The following SFRP1 variants were observed in gnomAD, a reference collection of about 807,000 sequenced individuals.
The protein encoded by SFRP1 is secreted frizzled-related protein 1.
In SFRP1, 9 loss-of-function variants were observed where a neutral mutation model predicts 25.9. The observed-to-expected ratio is 0.35, with a 90% CI of 0.21 to 0.61. The LOEUF (loss-of-function observed/expected upper bound fraction) is 0.61, where lower values mean the gene tolerates loss of function less well. SFRP1 is among the 20% of genes least tolerant of loss of function. The pLI, the probability that SFRP1 is intolerant of heterozygous loss-of-function variation, is 0.78. For synonymous variants in SFRP1, 178 were observed against 174.0 expected (o/e 1.02, Z -0.18); for missense variants, 346 against 418.2 (o/e 0.83, Z 1.51).
At chr8:41,297,655 G>A in intron 2 of SFRP1, among the ~76,000 whole-genome samples, 1 of 152,084 alleles carries the variant, frequency 6.6e-6, no homozygotes. Context: ...ATAGTTTGCT[G>A]ATGAGGAGCC....
chr8:41,270,112 G>C (rs1803485789), intron 2 of SFRP1, among the ~76,000 whole-genome samples: 1 of 152,160 alleles, frequency 6.6e-6, no homozygotes, highest in Non-Finnish European at 1.5e-5. Context: ...GCCAGGATCT[G>C]GAGTGGTGAG....
chr8:41,276,291 C>T (rs529086875), intron 2 of SFRP1, among the ~76,000 whole-genome samples: 2 of 152,200 alleles, frequency 1.3e-5, no homozygotes, highest in Non-Finnish European at 2.9e-5. Flanking sequence ...AAGCACCCTC[C>T]CCAAGTCCAA....
chr8:41,299,116 T>C (rs1461948613), intron 2 of SFRP1, among the ~76,000 whole-genome samples: 1 of 141,042 alleles, frequency 7.1e-6, no homozygotes, highest in Non-Finnish European at 1.5e-5. Context: ...CCACCTCCCA[T>C]GCACAAGAAG....
In SFRP1 at chr8:41,264,494, T is replaced by C. The variant is rs1803410483; in HGVS notation, c.*673A>G. The C allele has an allele frequency of 6.6e-6, 1 of 152,178 alleles. No homozygotes were observed. The highest frequency in any genetic ancestry group is 6.5e-5 in the Admixed American group (1 of 15,274). The allele number at this position is 152,178 out of a possible 1,614,324, so 9.4% of individuals were successfully genotyped here. A position where few individuals can be genotyped will look rare whatever the true frequency, so the allele number is the denominator to read the frequency against. ...CCCGGGCTCATAGGAACCGAAACTT[T>C]GGGGCATCTGAGACTGGCTGATTCA... On this transcript the variant is annotated 3_prime_UTR_variant, in exon 3 of 3. Transcript: ENST00000220772.
At chr8:41,290,025 T>C (rs1194646505) in intron 2 of SFRP1, among the ~76,000 whole-genome samples, 1 of 152,166 alleles carries the variant, frequency 6.6e-6, no homozygotes, top group Non-Finnish European at 1.5e-5. Context: ...GCAGATGTGC[T>C]ATGCACACAC....
At chr8:41,265,790 G>A (rs1000672119) in intron 2 of SFRP1, among the ~76,000 whole-genome samples, 4 of 152,034 alleles carry the variant, frequency 2.6e-5, no homozygotes, top group Non-Finnish European at 5.9e-5. Flanking sequence ...TGTTTACTGT[G>A]GAACAAAGCT....
intron 2 of SFRP1, among the ~76,000 whole-genome samples, chr8:41,302,826 C>A (rs1803941650): frequency 6.6e-6 from 1 of 151,886 alleles, no homozygotes; most frequent in South Asian, 2.1e-4. Context: ...TCTCCTGGAG[C>A]TGCGAGTGCT....
At chr8:41,270,617 T>A (rs774675583) in intron 2 of SFRP1, among the ~76,000 whole-genome samples, 2 of 151,914 alleles carry the variant, frequency 1.3e-5, no homozygotes, top group Admixed American at 6.6e-5. Context: ...CACTCAAACC[T>A]ACTCCCCTGG....
intron 1 of SFRP1, among the ~76,000 whole-genome samples, chr8:41,304,673 C>A (rs1051638081): frequency 6.6e-6 from 1 of 152,088 alleles, no homozygotes; most frequent in African/African-American, 2.4e-5. Context: ...CATCAGCCCC[C>A]CTTATGGCTC....
At chr8:41,270,671 C>T (rs1392912266) in intron 2 of SFRP1, among the ~76,000 whole-genome samples, 2 of 152,000 alleles carry the variant, frequency 1.3e-5, no homozygotes, top group Non-Finnish European at 2.9e-5. Context: ...CAGCAGTAGC[C>T]ATGGGCTTCA....
chr8:41,278,972 T>C (rs748941640), intron 2 of SFRP1, among the ~76,000 whole-genome samples: 1 of 152,044 alleles, frequency 6.6e-6, no homozygotes, highest in Non-Finnish European at 1.5e-5. Flanking sequence ...CAGGCCGAGC[T>C]ACAGACCATC....
Position 41,265,121 on chromosome 8 carries a change from CTCCCACCCCACCCGAGG to C in SFRP1, c.*29_*45del. 7 of 424,494 alleles carry C rather than the reference CTCCCACCCCACCCGAGG, an allele frequency of 1.6e-5. No individual in the cohort carries two copies. Among genetic ancestry groups the C allele is most frequent in the Admixed American group, 3.3e-5 (1 of 29,972 alleles). 26.3% of individuals were successfully genotyped at this position (424,494 alleles called of 1,614,324 possible). A position where few individuals can be genotyped will look rare whatever the true frequency, so the allele number is the denominator to read the frequency against. ...GGTTCCCGGGGCACTGTCCCCCCCG[CTCCCACCCCACCCGAGG>C]CTCCCTCCCCACCCTGCCCCCGGGA... is the stretch of plus-strand genomic sequence containing the variant. On this transcript the variant is annotated 3_prime_UTR_variant, in exon 3 of 3. Transcript: ENST00000220772.
chr8:41,303,966 G>A (rs151333542), intron 1 of SFRP1, among the ~76,000 whole-genome samples: 1 of 152,110 alleles, frequency 6.6e-6, no homozygotes, highest in East Asian at 1.9e-4. Context: ...CACACTCCCA[G>A]CTAGCCTGCT....
intron 2 of SFRP1, among the ~76,000 whole-genome samples, chr8:41,291,129 C>T (rs986539563): frequency 7.3e-5 from 11 of 151,636 alleles, no homozygotes; most frequent in South Asian, 2.1e-4. Flanking sequence ...AGGACGGTCT[C>T]GATCTCCGGA....
In SFRP1 at chr8:41,290,886, C is replaced by CTTTTTTTT. The variant is rs561965318; in HGVS notation, c.622+12567_622+12574dup. Among the ~76,000 whole-genome samples, 407 of 53,858 alleles carry CTTTTTTTT rather than the reference C, an allele frequency of 7.6e-3. 138 individuals are homozygous for CTTTTTTTT. The highest frequency in any genetic ancestry group is 0.012 in the Non-Finnish European group (302 of 24,584). 35.3% of individuals were successfully genotyped at this position (53,858 alleles called of 152,430 possible). ...GTCTTCTTCTCCTCCTCTTCCTCGT[C>CTTTTTTTT]TTTTTTTTTTTTTTTTTTTTTTTTT... On this transcript the variant is annotated intron_variant, in intron 2 of 2. Coordinates refer to ENST00000220772, the MANE Select transcript of SFRP1 (RefSeq NM_003012.5).
chr8:41,308,200 T>A (rs913678509), intron 1 of SFRP1, among the ~76,000 whole-genome samples: 1 of 152,248 alleles, frequency 6.6e-6, no homozygotes. Flanking sequence ...TTTTGTTTTT[T>A]CCTCCCGTCT....
At chr8:41,276,420 A>G (rs184691141) in intron 2 of SFRP1, among the ~76,000 whole-genome samples, 27 of 152,352 alleles carry the variant, frequency 1.8e-4, no homozygotes, top group African/African-American at 6.0e-4. Flanking sequence ...TTGCGGCACT[A>G]GGGCCCAGAT....
At chr8:41,291,200 G>A (rs938828895) in intron 2 of SFRP1, among the ~76,000 whole-genome samples, 2 of 151,694 alleles carry the variant, frequency 1.3e-5, no homozygotes, top group Non-Finnish European at 2.9e-5. Flanking sequence ...GAGTCACCAC[G>A]CCCGGCCTTT....
chr8:41,283,674 C>T (rs1200863844), intron 2 of SFRP1, among the ~76,000 whole-genome samples: 1 of 151,060 alleles, frequency 6.6e-6, no homozygotes, highest in Non-Finnish European at 1.5e-5. Context: ...GATTCTCCTG[C>T]CTCAGCCTCC....
Sources: gnomAD v4.1 joint callset for allele counts (sites outside exome capture counted in the v4.1 genomes callset) on GRCh38, gnomAD v4.1.1 for gene constraint, MANE v1.5 for transcripts, NCBI Gene and HGNC (gene_info 2026-07-23, HGNC 2026-07-21) for gene names.